The following KLHDC1 variants were observed in gnomAD, a reference collection of about 807,000 sequenced individuals.
KLHDC1 encodes the protein kelch domain containing 1, also known as kelch domain-containing protein 1.
KLHDC1 carries 53 observed loss-of-function variants against 68.3 expected under a neutral mutation model. That is an observed-to-expected ratio of 0.78 (90% CI 0.62 to 0.98). The LOEUF (loss-of-function observed/expected upper bound fraction) is 0.98, where lower values mean the gene tolerates loss of function less well. Among genes scored for constraint, KLHDC1 ranks in the 50% least tolerant of loss-of-function variants. The probability of loss-of-function intolerance (pLI) is 0.00; values close to 1 mark genes in which losing one functional copy is unlikely to be tolerated. For synonymous variants in KLHDC1, 148 were observed against 159.0 expected, an observed-to-expected ratio of 0.93 and a Z score of 0.52; for missense variants, 470 against 492.3, an observed-to-expected ratio of 0.95 and a Z score of 0.43.
chr14:49,707,299 A>T (rs12894648), intron 1 of KLHDC1, among the ~76,000 whole-genome samples: 11,922 of 138,630 alleles, frequency 0.086, 560 homozygotes, highest in Admixed American at 0.17. Context: ...TGTGTGTGTG[A>T]GAGAGAGAGA....
chr14:49,695,601 G>A (rs917880201), intron 1 of KLHDC1, among the ~76,000 whole-genome samples: 2 of 151,728 alleles, frequency 1.3e-5, no homozygotes, highest in African/African-American at 4.8e-5. Flanking sequence ...AGGGCCCTAG[G>A]ATTTTCAGAA....
intron 4 of KLHDC1, among the ~76,000 whole-genome samples, chr14:49,716,306 AAAAG>A (rs1230751383): frequency 6.6e-6 from 1 of 152,150 alleles, no homozygotes; most frequent in African/African-American, 2.4e-5. Context: ...GTTAGTATGT[AAAAG>A]AAACCAGTAA....
intron 11 of KLHDC1, among the ~76,000 whole-genome samples, chr14:49,741,380 G>A (rs1031321813): frequency 2.0e-5 from 3 of 150,634 alleles, no homozygotes; most frequent in Non-Finnish European, 3.0e-5. Flanking sequence ...ATCTCGGTTC[G>A]CTGCAGCCTC....
At chr14:49,743,916 G>T in intron 12 of KLHDC1, 111 bp downstream of exon 12, 2 of 627,872 alleles carry the variant, frequency 3.2e-6, no homozygotes, top group East Asian at 5.8e-5. Flanking sequence ...ATGAATTCAA[G>T]AATATGTTCA....
chr14:49,703,423 A>C (rs1055403108), intron 1 of KLHDC1, among the ~76,000 whole-genome samples: 2 of 149,228 alleles, frequency 1.3e-5, no homozygotes, highest in African/African-American at 2.5e-5. Flanking sequence ...GCTCACTGCA[A>C]CCTCCGCCTC....
intron 5 of KLHDC1, among the ~76,000 whole-genome samples, chr14:49,724,870 G>T (rs1466587609): frequency 6.7e-6 from 1 of 149,052 alleles, no homozygotes; most frequent in African/African-American, 2.5e-5. Flanking sequence ...AGCTGGGTGT[G>T]GTGGCACATT....
chr14:49,721,149 C>T (rs527387098), intron 4 of KLHDC1, among the ~76,000 whole-genome samples: 3 of 152,086 alleles, frequency 2.0e-5, no homozygotes, highest in Admixed American at 1.3e-4. Flanking sequence ...TCATCATGGG[C>T]CACTTTTTTG....
In KLHDC1 at chr14:49,725,760, A is replaced by G. The variant is rs376632172; in HGVS notation, c.558A>G (p.Pro186=). The change falls in exon 6 of 13, where the codon CCA becomes CCG. Residue 186 remains proline (P), a synonymous_variant. Transcript: ENST00000359332. ...FDTKTQTWFQ[P]EIKGGVPPQP... Reference sequence around the variant, plus strand: ...CAAAGACACAGACTTGGTTTCAACCAGAAATTAAAGTAAGTGTGGTAAAAA... The same window carrying G: ...CAAAGACACAGACTTGGTTTCAACCGGAAATTAAAGTAAGTGTGGTAAAAA... 1 of 1,534,838 alleles carries G rather than the reference A, an allele frequency of 6.5e-7. No homozygotes were observed. The highest frequency in any genetic ancestry group is 8.9e-7 in the Non-Finnish European group (1 of 1,120,868).
At chr14:49,732,598 T>G (rs1888837830) in intron 8 of KLHDC1, 106 bp from the exon 9 acceptor site, 1 of 489,586 alleles carries the variant, frequency 2.0e-6, no homozygotes, top group Non-Finnish European at 3.6e-6. Flanking sequence ...TAGTAAAAGT[T>G]TTTTGGAGCA....
chr14:49,693,431 T>C (rs2139721824), intron 1 of KLHDC1, 141 bp downstream of exon 1: 1 of 422,218 alleles, frequency 2.4e-6, no homozygotes, highest in Non-Finnish European at 4.0e-6. Flanking sequence ...GCCCCTCCGC[T>C]GGCCGCCGCC....
At chr14:49,723,852 T>G in intron 4 of KLHDC1, 22 bp from the exon 5 acceptor site, 1 of 1,404,854 alleles carries the variant, frequency 7.1e-7, no homozygotes, top group Non-Finnish European at 1.0e-6. Flanking sequence ...CTAAAGTGTG[T>G]CATTTCGTAT....
At chr14:49,729,570 GT>G in intron 8 of KLHDC1, 22 bp downstream of exon 8, 1 of 1,523,352 alleles carries the variant, frequency 6.6e-7, no homozygotes, top group Non-Finnish European at 9.1e-7. Flanking sequence ...GTCTAAGTAC[GT>G]TTTAATCTAT....
chr14:49,714,313 A>G (rs1888311836), intron 4 of KLHDC1, among the ~76,000 whole-genome samples: 1 of 151,690 alleles, frequency 6.6e-6, no homozygotes, highest in Non-Finnish European at 1.5e-5. Flanking sequence ...CTCTACTAAA[A>G]ATACAAAAAA....
chr14:49,745,414 T>C (rs945166938), intron 12 of KLHDC1, among the ~76,000 whole-genome samples: 1 of 152,184 alleles, frequency 6.6e-6, no homozygotes, highest in Non-Finnish European at 1.5e-5. Flanking sequence ...CAAGAAACAC[T>C]TGAGTGCCTA....
Position 49,740,090 on chromosome 14 carries a change from A to C in KLHDC1, c.897-8A>C. The C allele has an allele frequency of 6.4e-7, 1 of 1,570,168 alleles. No individual in the cohort carries two copies. The highest frequency in any genetic ancestry group is 8.7e-7 in the Non-Finnish European group (1 of 1,144,968). On this transcript the variant is annotated splice_polypyrimidine_tract_variant and splice_region_variant and intron_variant, in intron 10 of 12. Coordinates refer to ENST00000359332, the MANE Select transcript of KLHDC1 (RefSeq NM_172193.3). ...GTGTTTCACTCTGTTTATAATTTTC[A>C]ATCATAGGTTATGGCACACAGCCTG...
chr14:49,731,121 TACAAA>T (rs1180472158), intron 8 of KLHDC1, among the ~76,000 whole-genome samples: 1 of 152,008 alleles, frequency 6.6e-6, no homozygotes, highest in Non-Finnish European at 1.5e-5. Context: ...CTCTACTAAA[TACAAA>T]ACAATTAGCC....
In KLHDC1 at chr14:49,740,196, A is replaced by G. The variant is rs776134120; in HGVS notation, c.981+14A>G. On this transcript the variant is annotated intron_variant, in intron 11 of 12. Coordinates refer to ENST00000359332, the MANE Select transcript of KLHDC1 (RefSeq NM_172193.3). Reference sequence around the variant, plus strand: ...GCCTTGGATACAGTAAGAAAATCTTATATCTAAATATTTCCTCTGAGTAGT... The same window carrying G: ...GCCTTGGATACAGTAAGAAAATCTTGTATCTAAATATTTCCTCTGAGTAGT... 11 of 1,444,894 alleles carry G rather than the reference A, an allele frequency of 7.6e-6. No individual in the cohort carries two copies. Among genetic ancestry groups the G allele is most frequent in the Non-Finnish European group, 9.7e-6 (10 of 1,031,756 alleles). 89.5% of individuals were successfully genotyped at this position (1,444,894 alleles called of 1,614,324 possible). A position where few individuals can be genotyped will look rare whatever the true frequency, so the allele number is the denominator to read the frequency against.
intron 6 of KLHDC1, among the ~76,000 whole-genome samples, 193 bp downstream of exon 6, chr14:49,725,962 C>T (rs1277611509): frequency 6.6e-6 from 1 of 152,110 alleles, no homozygotes; most frequent in Non-Finnish European, 1.5e-5. Flanking sequence ...GTTCTCCTGC[C>T]TCAGCCTCCT....
chr14:49,717,090 C>T (rs573735216), intron 4 of KLHDC1, among the ~76,000 whole-genome samples: 8 of 152,092 alleles, frequency 5.3e-5, no homozygotes, highest in South Asian at 2.1e-4. Context: ...ATGTATATAC[C>T]GCATGTTGGT....
Sources: gnomAD v4.1 joint callset for allele counts (sites outside exome capture counted in the v4.1 genomes callset) on GRCh38, gnomAD v4.1.1 for gene constraint, MANE v1.5 for transcripts, NCBI Gene and HGNC (gene_info 2026-07-23, HGNC 2026-07-21) for gene names.